PDE11A: variants seen among roughly 807,000 people sequenced by gnomAD.
PDE11A encodes dual 3',5'-cyclic-AMP and -GMP phosphodiesterase 11A.
Under a neutral mutation model 100.5 loss-of-function variants are expected in PDE11A, and 100 were observed. The observed-to-expected ratio is 1.00, with a 90% CI of 0.85 to 1.18. The LOEUF (loss-of-function observed/expected upper bound fraction) is 1.18, where lower values mean the gene tolerates loss of function less well. PDE11A is among the 50% of genes most tolerant of loss of function. The pLI is 0.00. For synonymous variants in PDE11A, 381 were observed against 420.8 expected (o/e 0.91, Z 1.16); for missense variants, 1,141 against 1,152.6 (o/e 0.99, Z 0.15).
chr2:177,856,246 C>A lies in PDE11A; in HGVS notation c.1368-15863G>T, dbSNP rs569901335. Among the ~76,000 whole-genome samples, 430 of 152,116 alleles carry A rather than the reference C, an allele frequency of 2.8e-3. 1 individual carries two copies. Among genetic ancestry groups the A allele is most frequent in the Non-Finnish European group, 5.2e-3 (353 of 67,978 alleles). On this transcript the variant is annotated intron_variant, in intron 5 of 19. Transcript: ENST00000286063. ...TTAGTTCTGGCAAGTCACTGAACAG[C>A]AAATAGCAGTAACAACAATAATAGC...
intron 2 of PDE11A, among the ~76,000 whole-genome samples, chr2:177,967,200 C>A (rs1474563763): frequency 1.9e-5 from 2 of 106,232 alleles, no homozygotes; most frequent in Non-Finnish European, 3.7e-5. Flanking sequence ...TCTCCTTTGT[C>A]TTTTTTTTTT....
At chr2:178,021,513 A>G (rs886494631) in intron 1 of PDE11A, among the ~76,000 whole-genome samples, 2 of 152,224 alleles carry the variant, frequency 1.3e-5, no homozygotes, top group African/African-American at 4.8e-5. Flanking sequence ...TAAATGAATT[A>G]TAGTAGATGA....
intron 10 of PDE11A, among the ~76,000 whole-genome samples, chr2:177,731,826 T>C (rs996793021): frequency 6.6e-6 from 1 of 152,180 alleles, no homozygotes; most frequent in Non-Finnish European, 1.5e-5. Context: ...ATTTTGGCTG[T>C]CTTGAGTTTG....
At chr2:177,965,051 A>C (rs555346086) in intron 2 of PDE11A, among the ~76,000 whole-genome samples, 1 of 152,290 alleles carries the variant, frequency 6.6e-6, no homozygotes, top group African/African-American at 2.4e-5. Context: ...TTGATGTTTT[A>C]ATAGGAGCCA....
At chr2:178,099,077 A>G (rs540462204) in intron 2 of PDE11A, among the ~76,000 whole-genome samples, 7 of 152,340 alleles carry the variant, frequency 4.6e-5, no homozygotes, top group Admixed American at 1.3e-4. Flanking sequence ...GCTTCAATGC[A>G]CTATAAAGAC....
At chr2:177,638,052 T>G (rs1489500863) in intron 19 of PDE11A, among the ~76,000 whole-genome samples, 2 of 142,174 alleles carry the variant, frequency 1.4e-5, no homozygotes, top group African/African-American at 5.3e-5. Context: ...CAGGCTGGAG[T>G]GCAGTGGCGC....
intron 15 of PDE11A, among the ~76,000 whole-genome samples, chr2:177,693,086 G>T (rs2081064341): frequency 6.6e-6 from 1 of 152,152 alleles, no homozygotes; most frequent in Admixed American, 6.5e-5. Flanking sequence ...CAGGGCAGAA[G>T]AACCAACAAT....
intron 5 of PDE11A, among the ~76,000 whole-genome samples, chr2:177,855,344 A>C (rs367755264): frequency 6.6e-6 from 1 of 152,082 alleles, no homozygotes. Context: ...TTGCGCCTCC[A>C]TAAAAGCAGC....
intron 2 of PDE11A, among the ~76,000 whole-genome samples, chr2:177,914,446 A>G (rs1424595488): frequency 6.6e-6 from 1 of 152,158 alleles, no homozygotes; most frequent in Non-Finnish European, 1.5e-5. Flanking sequence ...ATCTGCCTAT[A>G]TAACTCTGCC....
chr2:177,852,195 T>C (rs2083725017), intron 5 of PDE11A, among the ~76,000 whole-genome samples: 1 of 152,056 alleles, frequency 6.6e-6, no homozygotes, highest in African/African-American at 2.4e-5. Flanking sequence ...TAACTAAAAA[T>C]AGAGGATTAG....
intron 9 of PDE11A, among the ~76,000 whole-genome samples, chr2:177,787,974 A>C (rs2082564938): frequency 6.6e-6 from 1 of 152,086 alleles, no homozygotes; most frequent in Non-Finnish European, 1.5e-5. Context: ...CATTAGACAG[A>C]TCAATGAGAC....
At chr2:177,712,877 G>GT (rs1200054102) in intron 12 of PDE11A, among the ~76,000 whole-genome samples, 2 of 152,026 alleles carry the variant, frequency 1.3e-5, no homozygotes, top group Non-Finnish European at 2.9e-5. Context: ...CTTTTCATGT[G>GT]TTTTTTTCCA....
chr2:178,078,492 T>A (rs1369126916), intron 2 of PDE11A, among the ~76,000 whole-genome samples: 1 of 152,150 alleles, frequency 6.6e-6, no homozygotes, highest in Non-Finnish European at 1.5e-5. Context: ...TAAAGACTAA[T>A]AAGTATCTAG....
chr2:177,824,368 C>T (rs1163819210), intron 6 of PDE11A, among the ~76,000 whole-genome samples: 1 of 152,124 alleles, frequency 6.6e-6, no homozygotes. Context: ...ACTTGTCCAA[C>T]AAAAAGACTA....
At chr2:177,851,308 T>G (rs983624674) in intron 5 of PDE11A, among the ~76,000 whole-genome samples, 6 of 152,114 alleles carry the variant, frequency 3.9e-5, no homozygotes, top group African/African-American at 1.2e-4. Context: ...ACACCGCATG[T>G]TCTCGCTCAT....
At chr2:177,667,115 T>C (rs1041181091) in intron 18 of PDE11A, among the ~76,000 whole-genome samples, 4 of 152,018 alleles carry the variant, frequency 2.6e-5, no homozygotes, top group Admixed American at 2.0e-4. Flanking sequence ...AGTTTCACCA[T>C]GTTGGCCAGG....
In PDE11A at chr2:178,104,210, C is replaced by T. The variant is rs1031340930; in HGVS notation, c.162+92G>A. ...TGTAAAGAGTGGTCCATTTTTAACG[C>T]TGCAAATTAGGAAATTATTATAATG... On this transcript the variant is annotated intron_variant, in intron 2 of 20. Transcript: ENST00000358450. The T allele has an allele frequency of 1.9e-5, 23 of 1,241,254 alleles. No homozygotes were observed. The African/African-American group carries it at 3.3e-4, about 18-fold the overall frequency. 76.9% of individuals were successfully genotyped at this position (1,241,254 alleles called of 1,614,324 possible).
In PDE11A at chr2:177,636,137, A is replaced by G. The variant is rs1025335041; in HGVS notation, c.2647-6575T>C. On this transcript the variant is annotated intron_variant, in intron 19 of 19. Coordinates refer to ENST00000286063, the MANE Select transcript of PDE11A (RefSeq NM_016953.4). ...TAAGATATATAGCAGGATTTTTATAATAGCCATACTAACAAAAGAGAGGGA... is the reference window on the plus strand; with the variant it reads ...TAAGATATATAGCAGGATTTTTATAGTAGCCATACTAACAAAAGAGAGGGA... Among the ~76,000 whole-genome samples the G allele has an allele frequency of 4.6e-5, 7 of 152,292 alleles. No homozygotes were observed. The South Asian group carries it at 8.3e-4, about 18-fold the overall frequency.
chr2:178,100,648 C>T (rs954555724), intron 2 of PDE11A, among the ~76,000 whole-genome samples: 3 of 152,212 alleles, frequency 2.0e-5, no homozygotes, highest in Non-Finnish European at 2.9e-5. Context: ...ATATTATATC[C>T]TCAAATCAGT....
Sources: allele counts gnomAD v4.1 joint callset (sites outside exome capture counted in the v4.1 genomes callset), GRCh38; gene constraint gnomAD v4.1.1; transcripts MANE v1.5; gene names NCBI Gene and HGNC (gene_info 2026-07-23, HGNC 2026-07-21).